Variants in ABLIM1 observed in about 807,000 individuals in gnomAD.
The protein encoded by ABLIM1 is actin-binding LIM protein 1.
A neutral mutation model predicts 107.0 loss-of-function variants in ABLIM1; 40 were observed. The observed-to-expected ratio is 0.37, with a 90% CI of 0.29 to 0.49. The LOEUF is 0.49. ABLIM1 is among the 20% of genes least tolerant of loss of function. The probability of loss-of-function intolerance (pLI) is 0.97; values close to 1 mark genes in which losing one functional copy is unlikely to be tolerated. For synonymous variants in ABLIM1, 357 were observed against 357.3 expected, an observed-to-expected ratio of 1.00 and a Z score of 0.01; for missense variants, 857 against 1,008.5, an observed-to-expected ratio of 0.85 and a Z score of 2.04.
intron 17 of ABLIM1, among the ~76,000 whole-genome samples, chr10:114,443,701 AAG>A (rs1254945575): frequency 2.4e-4 from 36 of 150,300 alleles, no homozygotes; most frequent in African/African-American, 6.9e-4. Flanking sequence ...AAAGAAGAAG[AAG>A]AAAAGCATCA....
chr10:114,651,421 T>C (rs1378038540), intron 1 of ABLIM1, among the ~76,000 whole-genome samples: 1 of 152,098 alleles, frequency 6.6e-6, no homozygotes, highest in African/African-American at 2.4e-5. Flanking sequence ...GAGGAAAAGC[T>C]TAACCTGCAG....
intron 6 of ABLIM1, among the ~76,000 whole-genome samples, chr10:114,499,575 A>T (rs1430758303): frequency 2.0e-5 from 3 of 152,180 alleles, no homozygotes; most frequent in Non-Finnish European, 4.4e-5. Context: ...GAAGCCTTTT[A>T]AAAATGGGTT....
In ABLIM1 at chr10:114,444,074, T is replaced by C. The variant is rs1267675535; in HGVS notation, c.1888A>G (p.Arg630Gly). ...KEEMEKESRERSSLLASRYDS... is the reference protein window; with the variant it reads ...KEEMEKESREGSSLLASRYDS... ...TAGCGACTGGCTAACAGAGATGACC[T>C]TTCCCGGCTCTCTTTCTCCATCTCT... The change falls in exon 17 of 23, where the codon AGG (arginine) becomes GGG (glycine). Residue 630 changes from arginine to glycine, a missense_variant. Arg to Gly is a moderately radical substitution (Grantham distance 125). Transcript: ENST00000533213. The C allele has an allele frequency of 2.5e-6, 4 of 1,613,244 alleles. No homozygotes were observed. Among genetic ancestry groups the C allele is most frequent in the Non-Finnish European group, 3.4e-6 (4 of 1,179,728 alleles).
chr10:114,441,008 G>A lies in ABLIM1; in HGVS notation c.2059+9C>T. ...GTGGCCATGCTCAGCCTGGCCATGG[G>A]AGCCTCACCTCGCACTCCCCCGCTG... On this transcript the variant is annotated intron_variant, in intron 19 of 22. Coordinates refer to ENST00000533213, the MANE Select transcript of ABLIM1 (RefSeq NM_002313.7). 3 of 1,583,780 alleles carry A rather than the reference G, an allele frequency of 1.9e-6. No homozygotes were observed. The highest frequency in any genetic ancestry group is 2.6e-6 in the Non-Finnish European group (3 of 1,163,530).
At chr10:114,548,898 A>G (rs1313103285) in intron 4 of ABLIM1, among the ~76,000 whole-genome samples, 1 of 152,220 alleles carries the variant, frequency 6.6e-6, no homozygotes, top group Non-Finnish European at 1.5e-5. Context: ...CACTTGGTAC[A>G]CAAAGTGATG....
intron 1 of ABLIM1, chr10:114,632,773 G>T (rs2078269917): frequency 1.0e-6 from 1 of 985,224 alleles, no homozygotes; most frequent in Admixed American, 6.2e-5. Flanking sequence ...TTTTAGACAA[G>T]CCCCTTGGAT....
At chr10:114,487,860 A>G in intron 8 of ABLIM1, 98 bp downstream of exon 8, 6 of 1,469,678 alleles carry the variant, frequency 4.1e-6, no homozygotes, top group Non-Finnish European at 5.7e-6. Flanking sequence ...AAAAGTCAGT[A>G]AAAAGTAATT....
upstream of ABLIM1, among the ~76,000 whole-genome samples, chr10:114,658,690 C>T (rs11196843): frequency 0.38 from 57,467 of 151,900 alleles, 11,166 homozygotes; most frequent in South Asian, 0.43. Context: ...GGGGAAGGCT[C>T]GATAAAGATC....
In ABLIM1 at chr10:114,620,493, T is replaced by C. The variant is rs2077399706; in HGVS notation, c.245-18532A>G. ...GGCGTGATCTTGGCTCACTGCAACC[T>C]CCACCTCCTGGGTTCAAGCGATTCT... On this transcript the variant is annotated intron_variant, in intron 1 of 22. Coordinates refer to ENST00000533213, the MANE Select transcript of ABLIM1 (RefSeq NM_002313.7). Among the ~76,000 whole-genome samples the C allele has an allele frequency of 2.0e-5, 3 of 152,224 alleles. No individual in the cohort carries two copies. The South Asian group carries it at 6.2e-4, about 32-fold the overall frequency.
At chr10:114,668,285 G>A (rs946679147) in intron 1 of ABLIM1, among the ~76,000 whole-genome samples, 1 of 152,170 alleles carries the variant, frequency 6.6e-6, no homozygotes, top group Non-Finnish European at 1.5e-5. Flanking sequence ...CAAGGGACAA[G>A]TGGAGTGAGA....
At chr10:114,463,241 A>G (rs2064333369) in intron 12 of ABLIM1, 10 of 1,191,924 alleles carry the variant, frequency 8.4e-6, no homozygotes, top group Admixed American at 6.9e-5. Context: ...GAGCAGGGAA[A>G]GTGCCATCGT....
intron 1 of ABLIM1, chr10:114,690,095 A>AC: frequency 9.5e-7 from 1 of 1,048,370 alleles, no homozygotes; most frequent in East Asian, 2.4e-5. Context: ...TGCTCTCCTG[A>AC]GCTACAAAAG....
intron 1 of ABLIM1, among the ~76,000 whole-genome samples, chr10:114,744,731 G>A (rs1378736231): frequency 6.6e-6 from 1 of 152,080 alleles, no homozygotes; most frequent in Non-Finnish European, 1.5e-5. Context: ...GAGCAGGCAG[G>A]GCATGAAGCA....
At chr10:114,720,083 C>A (rs1484755242) in intron 1 of ABLIM1, among the ~76,000 whole-genome samples, 4 of 152,126 alleles carry the variant, frequency 2.6e-5, no homozygotes, top group African/African-American at 7.2e-5. Context: ...TCCCTGTGCT[C>A]TCATTTTTCA....
At chr10:114,598,104 T>C (rs909805832) in intron 2 of ABLIM1, among the ~76,000 whole-genome samples, 7 of 151,794 alleles carry the variant, frequency 4.6e-5, no homozygotes, top group African/African-American at 1.7e-4. Flanking sequence ...AAACCCCGTG[T>C]CTACAAATAA....
intron 1 of ABLIM1, among the ~76,000 whole-genome samples, chr10:114,753,513 T>C (rs1416120706): frequency 3.9e-5 from 6 of 152,198 alleles, no homozygotes; most frequent in African/African-American, 1.4e-4. Context: ...TTGAACGTTA[T>C]GCAGTCATAA....
At chr10:114,608,947 G>A (rs965328911) in intron 1 of ABLIM1, among the ~76,000 whole-genome samples, 22 of 151,880 alleles carry the variant, frequency 1.4e-4, no homozygotes, top group African/African-American at 5.1e-4. Context: ...CACAGGAGAT[G>A]GAGGGTGCAG....
intron 3 of ABLIM1, among the ~76,000 whole-genome samples, chr10:114,573,882 GT>G (rs2072071942): frequency 2.0e-5 from 3 of 152,152 alleles, no homozygotes; most frequent in Non-Finnish European, 2.9e-5. Flanking sequence ...ACCAGGCTGT[GT>G]GCCACAGCCT....
chr10:114,774,513 T>C, the ABLIM1 span, among the ~76,000 whole-genome samples: 1 of 152,196 alleles, frequency 6.6e-6, no homozygotes, highest in Non-Finnish European at 1.5e-5. Context: ...AGAGTGTTCT[T>C]GAGACCTTAC....
Sources: allele counts gnomAD v4.1 joint callset (sites outside exome capture counted in the v4.1 genomes callset), GRCh38; gene constraint gnomAD v4.1.1; transcripts MANE v1.5; gene names NCBI Gene and HGNC (gene_info 2026-07-23, HGNC 2026-07-21).